Variants in CACNA2D3 observed in about 807,000 individuals in gnomAD.
The protein encoded by CACNA2D3 is voltage-dependent calcium channel subunit alpha-2/delta-3.
Under a neutral mutation model 160.6 loss-of-function variants are expected in CACNA2D3, and 60 were observed. The observed-to-expected ratio is 0.37, with a 90% confidence interval of 0.30 to 0.46. CACNA2D3 has a LOEUF of 0.46. Among genes scored for constraint, CACNA2D3 ranks in the 20% least tolerant of loss-of-function variants. The probability of loss-of-function intolerance (pLI) is 1.00; values close to 1 mark genes in which losing one functional copy is unlikely to be tolerated. For synonymous variants in CACNA2D3, 558 were observed against 492.9 expected (o/e 1.13, Z -1.75); for missense variants, 1,205 against 1,365.0 (o/e 0.88, Z 1.85).
At chr3:54,274,446 A>T (rs1702691211) in intron 2 of CACNA2D3, among the ~76,000 whole-genome samples, 1 of 152,104 alleles carries the variant, frequency 6.6e-6, no homozygotes, top group Non-Finnish European at 1.5e-5. Context: ...GCCAAAAGAG[A>T]TGGTGTCTTT....
rs142437229 is a variant in CACNA2D3 at position 54,349,191 on chromosome 3, T to C, written c.321+28633T>C. The stretch of plus-strand genomic sequence containing the variant: ...TGAGCTGTTCTTGCAATTGCAGCTC[T>C]CAGCTCCACAGTCACACTGTGGGGT... On this transcript the variant is annotated intron_variant, in intron 3 of 37. Transcript: ENST00000474759. Among the ~76,000 whole-genome samples, 1,006 of 152,200 alleles carry C rather than the reference T, an allele frequency of 6.6e-3. 11 individuals carry two copies. Among genetic ancestry groups the C allele is most frequent in the African/African-American group, 0.023 (961 of 41,498 alleles).
chr3:54,433,214 G>A (rs1424201688), intron 4 of CACNA2D3, among the ~76,000 whole-genome samples: 3 of 152,118 alleles, frequency 2.0e-5, no homozygotes. Context: ...ACTGGAGGGG[G>A]ATTTATGTAC....
chr3:54,616,885 A>T (rs1468889649), intron 9 of CACNA2D3, among the ~76,000 whole-genome samples: 1 of 151,968 alleles, frequency 6.6e-6, no homozygotes, highest in East Asian at 1.9e-4. Context: ...ACTCATGAGG[A>T]CTCAGGGACA....
At chr3:54,522,928 A>AC (rs767474227) in intron 5 of CACNA2D3, among the ~76,000 whole-genome samples, 15,529 of 140,028 alleles carry the variant, frequency 0.11, 979 homozygotes, top group East Asian at 0.23. Flanking sequence ...TTATTTATTT[A>AC]TTTATTTACT....
intron 27 of CACNA2D3, among the ~76,000 whole-genome samples, chr3:54,940,648 G>A (rs1054482158): frequency 6.6e-6 from 1 of 151,190 alleles, no homozygotes; most frequent in African/African-American, 2.5e-5. Context: ...AGTTTTCTGG[G>A]TGTGAATGCC....
chr3:54,285,598 A>G (rs1217679476), intron 2 of CACNA2D3, among the ~76,000 whole-genome samples: 3 of 152,188 alleles, frequency 2.0e-5, no homozygotes, highest in African/African-American at 2.4e-5. Context: ...CTCCCAGCAC[A>G]CAGCTGGAGA....
At chr3:54,636,616 G>C (rs921544738) in intron 10 of CACNA2D3, among the ~76,000 whole-genome samples, 3 of 152,046 alleles carry the variant, frequency 2.0e-5, no homozygotes, top group African/African-American at 7.3e-5. Flanking sequence ...AGGTCAAGTT[G>C]TTTGGACAGA....
At chr3:54,204,420 A>G (rs147147552) in intron 2 of CACNA2D3, among the ~76,000 whole-genome samples, 181 of 152,260 alleles carry the variant, frequency 1.2e-3, no homozygotes, top group African/African-American at 4.0e-3. Flanking sequence ...GTGCACAAAC[A>G]TCAAGGATAA....
chr3:54,284,360 A>G (rs1176836104), intron 2 of CACNA2D3, among the ~76,000 whole-genome samples: 1 of 151,660 alleles, frequency 6.6e-6, no homozygotes, highest in Non-Finnish European at 1.5e-5. Context: ...TTATAGTTTT[A>G]TAGGTTAGTT....
chr3:54,773,089 C>T (rs187743111), intron 13 of CACNA2D3, among the ~76,000 whole-genome samples: 7 of 152,334 alleles, frequency 4.6e-5, no homozygotes, highest in Non-Finnish European at 1.0e-4. Flanking sequence ...TTTGTAGGAA[C>T]TTTTCAAACC....
chr3:54,974,395 T>C (rs969806327), intron 29 of CACNA2D3, among the ~76,000 whole-genome samples: 1 of 152,232 alleles, frequency 6.6e-6, no homozygotes, highest in Admixed American at 6.5e-5. Context: ...AGAAAGACTT[T>C]GTTTGAGGTC....
At chr3:54,689,010 A>AAAAAAAAAAAAAG (rs1553785965) in intron 11 of CACNA2D3, among the ~76,000 whole-genome samples, 3 of 85,496 alleles carry the variant, frequency 3.5e-5, no homozygotes, top group Non-Finnish European at 4.4e-5. Flanking sequence ...AAAAAAAAAA[A>AAAAAAAAAAAAAG]AGAATGAGGT....
intron 13 of CACNA2D3, among the ~76,000 whole-genome samples, chr3:54,775,063 A>G (rs1319832465): frequency 6.6e-6 from 1 of 152,158 alleles, no homozygotes; most frequent in Non-Finnish European, 1.5e-5. Flanking sequence ...ACCTTAATTT[A>G]TTTGCCTTTC....
chr3:54,710,729 G>C (rs1328105622), intron 11 of CACNA2D3, among the ~76,000 whole-genome samples: 1 of 152,162 alleles, frequency 6.6e-6, no homozygotes, highest in African/African-American at 2.4e-5. Flanking sequence ...CTATAGAAAT[G>C]ATTTTTAACT....
intron 27 of CACNA2D3, among the ~76,000 whole-genome samples, chr3:54,922,256 T>C (rs1490800701): frequency 1.3e-5 from 2 of 152,048 alleles, no homozygotes; most frequent in East Asian, 3.9e-4. Context: ...ACCAGCAAGT[T>C]TGTGGCAGAG....
intron 2 of CACNA2D3, among the ~76,000 whole-genome samples, chr3:54,296,777 G>A (rs1402823327): frequency 6.6e-6 from 1 of 152,182 alleles, no homozygotes; most frequent in Non-Finnish European, 1.5e-5. Context: ...TAGCTAAAAA[G>A]CCAACTGAGA....
chr3:54,825,019 T>A (rs2106733916), intron 14 of CACNA2D3, among the ~76,000 whole-genome samples: 1 of 152,334 alleles, frequency 6.6e-6, no homozygotes, highest in East Asian at 1.9e-4. Flanking sequence ...AGTGTCTTCT[T>A]TCAAAAATTC....
At chr3:54,975,464 A>G (rs2107083440) in intron 29 of CACNA2D3, among the ~76,000 whole-genome samples, 1 of 147,126 alleles carries the variant, frequency 6.8e-6, no homozygotes, top group East Asian at 2.1e-4. Context: ...GGTTGCAGTG[A>G]GCTAACATCT....
intron 2 of CACNA2D3, among the ~76,000 whole-genome samples, chr3:54,142,058 G>A (rs958382794): frequency 2.6e-5 from 4 of 152,204 alleles, no homozygotes; most frequent in African/African-American, 9.6e-5. Flanking sequence ...CTCTGGTCTG[G>A]GTTCGGAGGA....
Sources: gnomAD v4.1 joint callset for allele counts (sites outside exome capture counted in the v4.1 genomes callset) on GRCh38, gnomAD v4.1.1 for gene constraint, MANE v1.5 for transcripts, NCBI Gene and HGNC (gene_info 2026-07-23, HGNC 2026-07-21) for gene names.